Variants in KCNN2 observed in about 807,000 individuals in gnomAD.
The protein encoded by KCNN2 is small conductance calcium-activated potassium channel protein 2.
In KCNN2, 24 loss-of-function variants were observed where a neutral mutation model predicts 55.5. The ratio of observed to expected loss-of-function variants is 0.43; its 90% CI spans 0.31 to 0.61. The LOEUF (loss-of-function observed/expected upper bound fraction) is 0.61, where lower values mean the gene tolerates loss of function less well. Ranked by LOEUF, KCNN2 falls within the 20% of genes least tolerant of loss-of-function variation. The pLI is 0.08. For missense variants in KCNN2, 754 were observed against 853.6 expected (o/e 0.88, Z 1.45); for synonymous variants, 431 against 336.1 (o/e 1.28, Z -3.09).
chr5:114,133,277 A>AT (rs1752106816), intron 1 of KCNN2, among the ~76,000 whole-genome samples: 2 of 152,098 alleles, frequency 1.3e-5, no homozygotes, highest in Admixed American at 1.3e-4. Context: ...GAATAGGCTG[A>AT]TACAGTCCAA....
At chr5:114,197,666 A>G (rs1580610266) in intron 1 of KCNN2, among the ~76,000 whole-genome samples, 1 of 152,184 alleles carries the variant, frequency 6.6e-6, no homozygotes, top group East Asian at 1.9e-4. Flanking sequence ...AGTGGCTGCA[A>G]CATGAGGCTG....
intron 3 of KCNN2, among the ~76,000 whole-genome samples, chr5:114,450,990 A>G (rs1289056238): frequency 6.6e-6 from 1 of 152,216 alleles, no homozygotes; most frequent in African/African-American, 2.4e-5. Context: ...ATTTTCTAAT[A>G]ATATATAAAT....
intron 1 of KCNN2, among the ~76,000 whole-genome samples, chr5:114,159,771 AT>A (rs1752725481): frequency 6.6e-6 from 1 of 151,926 alleles, no homozygotes; most frequent in South Asian, 2.1e-4. Flanking sequence ...TTTCTTCTAG[AT>A]TTTCTAGTTT....
intron 3 of KCNN2, among the ~76,000 whole-genome samples, chr5:114,443,775 G>C (rs1181233089): frequency 6.6e-6 from 1 of 152,164 alleles, no homozygotes; most frequent in Non-Finnish European, 1.5e-5. Context: ...TATTGTAGTG[G>C]GTGAACCTCA....
intron 1 of KCNN2, among the ~76,000 whole-genome samples, chr5:114,151,586 A>T (rs1752525092): frequency 6.6e-6 from 1 of 152,176 alleles, no homozygotes; most frequent in South Asian, 2.1e-4. Flanking sequence ...ACCTGTTTTG[A>T]TCAATCACAT....
chr5:114,149,988 T>A (rs1264099235), intron 1 of KCNN2, among the ~76,000 whole-genome samples: 1 of 152,086 alleles, frequency 6.6e-6, no homozygotes, highest in South Asian at 2.1e-4. Context: ...CGCATTCCAT[T>A]CCCAGAGCTA....
At chr5:114,429,438 TCTG>T (rs1395367237) in intron 3 of KCNN2, among the ~76,000 whole-genome samples, 1 of 152,102 alleles carries the variant, frequency 6.6e-6, no homozygotes, top group Non-Finnish European at 1.5e-5. Context: ...TCATTTGCCA[TCTG>T]TATATCTTCT....
chr5:114,252,820 A>G (rs1048507865), intron 2 of KCNN2, among the ~76,000 whole-genome samples: 2 of 152,006 alleles, frequency 1.3e-5, no homozygotes, highest in Non-Finnish European at 2.9e-5. Context: ...AAAGGGTGAC[A>G]AGATGACATG....
At chr5:114,495,845 TTG>T (rs1394991718) in intron 7 of KCNN2, 48 bp from the exon 8 acceptor site, 1 of 1,552,242 alleles carries the variant, frequency 6.4e-7, no homozygotes, top group Non-Finnish European at 8.8e-7. Context: ...GGTGGACAGT[TTG>T]TGTTCAGGGC....
chr5:114,275,475 T>G (rs1405372549), intron 2 of KCNN2, among the ~76,000 whole-genome samples: 1 of 152,146 alleles, frequency 6.6e-6, no homozygotes, highest in Non-Finnish European at 1.5e-5. Context: ...GGACTCTTTT[T>G]GGTTGGTAGG....
intron 2 of KCNN2, among the ~76,000 whole-genome samples, chr5:114,281,923 T>C (rs1365627925): frequency 6.6e-6 from 1 of 152,086 alleles, no homozygotes; most frequent in Non-Finnish European, 1.5e-5. Context: ...TAAATTTAAA[T>C]ATTTTTCTGG....
chr5:114,207,228 A>G (rs10045738), intron 1 of KCNN2, among the ~76,000 whole-genome samples: 135,129 of 152,164 alleles, frequency 0.89, 60,029 homozygotes, highest in East Asian at 0.94. Context: ...AGCATATAGA[A>G]AACTTCATGT....
upstream of KCNN2, among the ~76,000 whole-genome samples, chr5:114,361,426 C>T (rs1757418699): frequency 6.6e-6 from 1 of 152,212 alleles, no homozygotes; most frequent in East Asian, 1.9e-4. Flanking sequence ...GGCTCAGGCC[C>T]CGGGATTCTC....
rs778509250 is a variant in KCNN2 at position 114,145,657 on chromosome 5, A to G, written c.-270-75823A>G. On this transcript the variant is annotated intron_variant, in intron 1 of 10. Coordinates refer to the KCNN2 transcript ENST00000512097. ...AGGTTGGGCAGGACAACGATCATCT[A>G]CAGAACCAGGCATCCAAATACTATC... 2.4e-4 allele frequency among the ~76,000 whole-genome samples: 36 copies of G among 151,402 alleles called. 1 individual carries two copies. Among genetic ancestry groups the G allele is most frequent in the East Asian group, 1.9e-4 (1 of 5,176 alleles).
chr5:114,306,066 T>C (rs922333450), intron 2 of KCNN2, among the ~76,000 whole-genome samples: 1 of 152,338 alleles, frequency 6.6e-6, no homozygotes, highest in East Asian at 1.9e-4. Context: ...TTTCTATAGA[T>C]TGCATTATGA....
chr5:114,093,145 A>G (rs919418894), intron 1 of KCNN2, among the ~76,000 whole-genome samples: 3 of 152,024 alleles, frequency 2.0e-5, no homozygotes, highest in Non-Finnish European at 2.9e-5. Context: ...CTCAAGTTCA[A>G]CGTTGAACTC....
At chr5:114,475,761 AACTATGGATCCAGGATCTAG>A (rs1274107369) in intron 5 of KCNN2, among the ~76,000 whole-genome samples, 1 of 151,964 alleles carries the variant, frequency 6.6e-6, no homozygotes, top group Non-Finnish European at 1.5e-5. Context: ...CCCTTTAGAG[AACTATGGATCCAGGATCTAG>A]ATCTATGGAT....
intron 1 of KCNN2, among the ~76,000 whole-genome samples, chr5:114,157,852 T>A: frequency 6.6e-6 from 1 of 150,414 alleles, no homozygotes; most frequent in East Asian, 2.1e-4. Flanking sequence ...TTGATGGGGT[T>A]TTTTTTTTTC....
intron 2 of KCNN2, among the ~76,000 whole-genome samples, chr5:114,393,934 G>GT (rs953916854): frequency 1.3e-5 from 2 of 151,258 alleles, no homozygotes; most frequent in African/African-American, 4.9e-5. Flanking sequence ...ATTATTTCCA[G>GT]TTTTTTGCTA....
Sources: gnomAD v4.1 joint callset for allele counts (sites outside exome capture counted in the v4.1 genomes callset) on GRCh38, gnomAD v4.1.1 for gene constraint, MANE v1.5 for transcripts, NCBI Gene and HGNC (gene_info 2026-07-23, HGNC 2026-07-21) for gene names.